ERICH5: variants seen among roughly 807,000 people sequenced by gnomAD.
ERICH5 encodes glutamate rich 5.
A neutral mutation model predicts 28.0 loss-of-function variants in ERICH5; 24 were observed. The observed-to-expected ratio is 0.86, with a 90% CI of 0.62 to 1.21. The LOEUF (loss-of-function observed/expected upper bound fraction) is 1.21. Among genes scored for constraint, ERICH5 ranks in the 50% most tolerant of loss-of-function variants. ERICH5 has a pLI of 0.00. For missense variants in ERICH5, 421 were observed against 441.2 expected, an observed-to-expected ratio of 0.95 and a Z score of 0.41; for synonymous variants, 163 against 157.6, an observed-to-expected ratio of 1.03 and a Z score of -0.25.
chr8:98,092,927 C>G (rs1815432560), intron 2 of ERICH5, among the ~76,000 whole-genome samples: 1 of 152,000 alleles, frequency 6.6e-6, no homozygotes, highest in South Asian at 2.1e-4. Flanking sequence ...AGGCTTGTGC[C>G]ACCATGCCTA....
chr8:98,085,986 G>A (rs1192698549), intron 1 of ERICH5, among the ~76,000 whole-genome samples: 1 of 152,144 alleles, frequency 6.6e-6, no homozygotes, highest in Non-Finnish European at 1.5e-5. Flanking sequence ...ATCTTTGTAC[G>A]TAAACTGCTT....
chr8:98,084,860 A>T (rs1424105012), intron 1 of ERICH5, among the ~76,000 whole-genome samples: 1 of 152,130 alleles, frequency 6.6e-6, no homozygotes, highest in Non-Finnish European at 1.5e-5. Context: ...TCTGTACACC[A>T]TGGGAGCATC....
intron 2 of ERICH5, among the ~76,000 whole-genome samples, chr8:98,092,895 C>T (rs752540353): frequency 4.0e-5 from 6 of 151,724 alleles, no homozygotes; most frequent in African/African-American, 7.3e-5. Context: ...CTTGCCTCAG[C>T]CCCCCGAGTA....
chr8:98,068,875 T>C (rs1257782970), intron 1 of ERICH5, among the ~76,000 whole-genome samples: 1 of 152,254 alleles, frequency 6.6e-6, no homozygotes, highest in African/African-American at 2.4e-5. Flanking sequence ...TGTTCTAACC[T>C]GAACTTTCAC....
rs1563753394 is a variant in ERICH5, at chr8:98,073,440, ATATATATATATATATATATG to A, written c.58+8733_58+8752del. On this transcript the variant is annotated intron_variant, in intron 1 of 2. Coordinates refer to ENST00000318528, the MANE Select transcript of ERICH5 (RefSeq NM_173549.3). Reference sequence around the variant, plus strand: ...TCTCTCTCTCTCTCTCTCTATATATATATATATATATATATATATGTATATATATATATATATATATATAT... The same window carrying A: ...TCTCTCTCTCTCTCTCTCTATATATATATATATATATATATATATATATAT... Among the ~76,000 whole-genome samples the A allele has an allele frequency of 3.2e-3, 58 of 18,356 alleles. 8 individuals are homozygous for A. Among genetic ancestry groups the A allele is most frequent in the African/African-American group, 4.4e-3 (16 of 3,672 alleles). The allele number at this position is 18,356 out of a possible 152,430, so 12.0% of individuals were successfully genotyped here.
chr8:98,091,887 TC>T (rs1563759511), intron 2 of ERICH5, among the ~76,000 whole-genome samples: 1 of 84,352 alleles, frequency 1.2e-5, no homozygotes, highest in Non-Finnish European at 2.3e-5. Flanking sequence ...TTTCTTTCTT[TC>T]TTTCTTTCTT....
rs148975035 is a variant in ERICH5, at chr8:98,080,852, G to A, written c.59-8224G>A. Among the ~76,000 whole-genome samples, 1,438 of 151,852 alleles carry A rather than the reference G, an allele frequency of 9.5e-3. 22 individuals are homozygous for A. The highest frequency in any genetic ancestry group is 0.033 in the African/African-American group (1,362 of 41,380). On this transcript the variant is annotated intron_variant, in intron 1 of 2. Transcript: ENST00000318528. Reference sequence around the variant, plus strand: ...CGAGTAGCTGAGATTACAGGCACTCGCCACCATGGCCAGCTAATTTTTTAA... The same window carrying A: ...CGAGTAGCTGAGATTACAGGCACTCACCACCATGGCCAGCTAATTTTTTAA...
At chr8:98,074,730 C>T (rs1289564146) in intron 1 of ERICH5, among the ~76,000 whole-genome samples, 1 of 152,166 alleles carries the variant, frequency 6.6e-6, no homozygotes, top group Non-Finnish European at 1.5e-5. Flanking sequence ...GAAGTTGGTA[C>T]AGAGAGTTCT....
chr8:98,091,997 T>TCCTTCCTTCCTTCCTA (rs1815417655), intron 2 of ERICH5, among the ~76,000 whole-genome samples: 1 of 127,682 alleles, frequency 7.8e-6, no homozygotes, highest in Admixed American at 8.3e-5. Flanking sequence ...TCTCTCCCCT[T>TCCTTCCTTCCTTCCTA]CCTTCCTTCC....
chr8:98,085,367 G>A (rs1269517610), intron 1 of ERICH5, among the ~76,000 whole-genome samples: 2 of 151,600 alleles, frequency 1.3e-5, no homozygotes, highest in Non-Finnish European at 2.9e-5. Context: ...GTTTCACCGT[G>A]TTAGCCAGGA....
intron 1 of ERICH5, among the ~76,000 whole-genome samples, chr8:98,078,664 C>G (rs60317830): frequency 0.012 from 1,763 of 152,206 alleles, 35 homozygotes; most frequent in African/African-American, 0.04. Context: ...GTGTGCTTAT[C>G]ACAACGGTGC....
chr8:98,079,319 T>C (rs962473515), intron 1 of ERICH5, among the ~76,000 whole-genome samples: 3 of 151,588 alleles, frequency 2.0e-5, no homozygotes, highest in Non-Finnish European at 2.9e-5. Context: ...TACAGGTGCA[T>C]GCCACCATGC....
rs1814819411 is a variant in ERICH5 at position 98,066,329 on chromosome 8, C to T, written c.58+1602C>T. Among the ~76,000 whole-genome samples the T allele has an allele frequency of 2.6e-5, 4 of 152,072 alleles. No homozygotes were observed. The East Asian group carries it at 7.7e-4, about 29-fold the overall frequency. ...CATTTTATTATTCTGACTTCTCTAC[C>T]CCATGCTGTGCTTCAGTTATCCTAG... On this transcript the variant is annotated intron_variant, in intron 1 of 2. Coordinates refer to ENST00000318528, the MANE Select transcript of ERICH5 (RefSeq NM_173549.3).
At position 98,091,904 on chromosome 8, in the gene ERICH5, T is replaced by C. The variant is rs796431057; in HGVS notation, c.1013-1317T>C. ...TCTTTCTTTCTTTCTTTCTTTCCTT[T>C]CTTTCTTTCTTTCTTCCTTTCTTTC... On this transcript the variant is annotated intron_variant, in intron 2 of 2. Transcript: ENST00000318528. Among the ~76,000 whole-genome samples the C allele has an allele frequency of 7.8e-3, 637 of 81,568 alleles. 8 individuals carry two copies. The highest frequency in any genetic ancestry group is 0.037 in the South Asian group (82 of 2,208). The allele number at this position is 81,568 out of a possible 152,430, so 53.5% of individuals were successfully genotyped here.
At chr8:98,092,024 T>TTCC in intron 2 of ERICH5, among the ~76,000 whole-genome samples, 4 of 147,326 alleles carry the variant, frequency 2.7e-5, no homozygotes, top group Admixed American at 6.9e-5. Flanking sequence ...CCTTCCTTCC[T>TTCC]TTCGAGACAA....
intron 1 of ERICH5, among the ~76,000 whole-genome samples, chr8:98,069,196 T>C (rs1418749437): frequency 6.6e-6 from 1 of 152,190 alleles, no homozygotes; most frequent in Non-Finnish European, 1.5e-5. Context: ...TAGCATTTGG[T>C]ATGTCTTTGT....
At chr8:98,078,709 A>G (rs956243106) in intron 1 of ERICH5, among the ~76,000 whole-genome samples, 4 of 152,194 alleles carry the variant, frequency 2.6e-5, no homozygotes, top group African/African-American at 7.2e-5. Flanking sequence ...AGCTGTCACA[A>G]TGAATTTGTG....
At chr8:98,093,173 T>C in intron 2 of ERICH5, 48 bp from the exon 3 acceptor site, 1 of 1,331,410 alleles carries the variant, frequency 7.5e-7, no homozygotes, top group Non-Finnish European at 1.1e-6. Flanking sequence ...TAATTTATGT[T>C]AATTCTAAAT....
rs182338211 is a variant in ERICH5 at position 98,079,776 on chromosome 8, G to A, written c.59-9300G>A. Among the ~76,000 whole-genome samples, 863 of 152,258 alleles carry A rather than the reference G, an allele frequency of 5.7e-3. 6 individuals are homozygous for A. Among genetic ancestry groups the A allele is most frequent in the African/African-American group, 0.019 (785 of 41,546 alleles). On this transcript the variant is annotated intron_variant, in intron 1 of 2. Transcript: ENST00000318528. The stretch of plus-strand genomic sequence containing the variant: ...TCTGGTCTCGAACTCCTGACCTCGG[G>A]TGATCCACCTGCCTTAGCCTCCCAA...
Sources: gnomAD v4.1 joint callset for allele counts (sites outside exome capture counted in the v4.1 genomes callset) on GRCh38, gnomAD v4.1.1 for gene constraint, MANE v1.5 for transcripts, NCBI Gene and HGNC (gene_info 2026-07-23, HGNC 2026-07-21) for gene names.